Variants in XPO1 observed in about 807,000 individuals in gnomAD.
XPO1 encodes the protein exportin-1.
A neutral mutation model predicts 133.3 loss-of-function variants in XPO1; 5 were observed. That is an observed-to-expected ratio of 0.04 (90% CI 0.02 to 0.08). The LOEUF is 0.08. Ranked by LOEUF, XPO1 falls within the 10% of genes least tolerant of loss-of-function variation. XPO1 has a pLI of 1.00. For missense variants in XPO1, 506 were observed against 1,267.5 expected (o/e 0.40, Z 9.12); for synonymous variants, 419 against 408.2 (o/e 1.03, Z -0.32).
At chr2:61,489,003 G>A (rs753523887) in intron 17 of XPO1, among the ~76,000 whole-genome samples, 3 of 152,158 alleles carry the variant, frequency 2.0e-5, no homozygotes, top group Non-Finnish European at 4.4e-5. Context: ...TCGGGAGGTT[G>A]AGGCAGGAGA....
intron 21 of XPO1, 179 bp from the exon 22 acceptor site, chr2:61,483,270 G>A: frequency 5.2e-6 from 3 of 571,870 alleles, no homozygotes; most frequent in Admixed American, 3.7e-5. Flanking sequence ...TATATCCAAT[G>A]CTGGCTTACT....
chr2:61,488,878 G>T lies in XPO1; in HGVS notation c.2023-107C>A. ...GCACTCTGAGAGGCCGAGGCGGGCG[G>T]ATGATGAGTTCAGGAGATCGGGACC... is the stretch of plus-strand genomic sequence containing the variant. On this transcript the variant is annotated intron_variant, in intron 17 of 24. Transcript: ENST00000401558. 2 of 1,182,906 alleles carry T rather than the reference G, an allele frequency of 1.7e-6. 1 individual carries two copies. The highest frequency in any genetic ancestry group is 2.9e-5 in the South Asian group (2 of 69,298). The allele number at this position is 1,182,906 out of a possible 1,614,324, so 73.3% of individuals were successfully genotyped here. A position where few individuals can be genotyped will look rare whatever the true frequency, so the allele number is the denominator to read the frequency against.
intron 7 of XPO1, 72 bp downstream of exon 7, chr2:61,499,641 C>CA (rs1396901156): frequency 7.2e-6 from 10 of 1,389,018 alleles, no homozygotes; most frequent in Middle Eastern, 2.6e-4. Context: ...AAAATATCTA[C>CA]AATTTACATC....
rs758065339 is a variant in XPO1 at position 61,493,105 on chromosome 2, C to A, written c.1246-52G>T. On this transcript the variant is annotated intron_variant, in intron 12 of 24. Coordinates refer to ENST00000401558, the MANE Select transcript of XPO1 (RefSeq NM_003400.4). ...AAAAAAATCGTTAGATCACTGAAAT[C>A]ATTAGTGTAGAAGCTTAGTTAAAAA... 26 of 1,506,606 alleles carry A rather than the reference C, an allele frequency of 1.7e-5. No homozygotes were observed. The highest frequency in any genetic ancestry group is 2.3e-5 in the Non-Finnish European group (26 of 1,136,290). 93.3% of individuals were successfully genotyped at this position (1,506,606 alleles called of 1,614,324 possible). A position where few individuals can be genotyped will look rare whatever the true frequency, so the allele number is the denominator to read the frequency against.
chr2:61,493,135 C>T (rs1028113339), intron 12 of XPO1, 82 bp from the exon 13 acceptor site: 1 of 1,410,878 alleles, frequency 7.1e-7, no homozygotes, highest in African/African-American at 1.4e-5. Context: ...TAAAAACAAA[C>T]AAAACCAAAA....
chr2:61,516,931 T>A (rs1573195201), intron 4 of XPO1, among the ~76,000 whole-genome samples: 1 of 152,264 alleles, frequency 6.6e-6, no homozygotes, highest in East Asian at 1.9e-4. Flanking sequence ...ATTTCAGAGT[T>A]TCACTCTTGT....
intron 9 of XPO1, among the ~76,000 whole-genome samples, chr2:61,497,398 GA>G (rs750911784): frequency 1.6e-4 from 24 of 152,098 alleles, no homozygotes; most frequent in Non-Finnish European, 2.2e-4. Flanking sequence ...TTTTAGTAGA[GA>G]CAGGGTTTTG....
intron 17 of XPO1, among the ~76,000 whole-genome samples, chr2:61,490,203 AT>A (rs70963437): frequency 3.4e-4 from 48 of 141,956 alleles, no homozygotes; most frequent in South Asian, 1.3e-3. Context: ...TTTTTCATTT[AT>A]TTTTTTTTTT....
chr2:61,521,963 A>G (rs1363320744), intron 4 of XPO1, among the ~76,000 whole-genome samples: 3 of 152,090 alleles, frequency 2.0e-5, no homozygotes, highest in Admixed American at 2.0e-4. Context: ...TCGCTATGTT[A>G]CCCAGGATGG....
chr2:61,502,434 C>G (rs1358985033), intron 4 of XPO1, 124 bp from the exon 5 acceptor site: 1 of 927,310 alleles, frequency 1.1e-6, no homozygotes, highest in African/African-American at 1.7e-5. Flanking sequence ...ATACTCTAAT[C>G]CTGTCACCAG....
intron 3 of XPO1, among the ~76,000 whole-genome samples, chr2:61,524,190 C>T (rs1698815381): frequency 6.6e-6 from 1 of 152,110 alleles, no homozygotes; most frequent in Non-Finnish European, 1.5e-5. Flanking sequence ...CAATGCACTG[C>T]TTACAATATA....
intron 2 of XPO1, 46 bp downstream of exon 2, chr2:61,533,726 C>T (rs1186687333): frequency 5.5e-6 from 8 of 1,443,988 alleles, no homozygotes; most frequent in Non-Finnish European, 7.3e-6. Flanking sequence ...CCCAACAACT[C>T]TGTTACACTG....
chr2:61,488,365 A>G, intron 18 of XPO1, 94 bp from the exon 19 acceptor site: 1 of 1,351,010 alleles, frequency 7.4e-7, no homozygotes, highest in Non-Finnish European at 1.0e-6. Flanking sequence ...TTTACCATTA[A>G]AAAGTTTAAA....
intron 2 of XPO1, among the ~76,000 whole-genome samples, chr2:61,531,210 C>T (rs1411232264): frequency 6.6e-6 from 1 of 152,164 alleles, no homozygotes; most frequent in Non-Finnish European, 1.5e-5. Flanking sequence ...ACTCCTTAAC[C>T]AGCTTTAAGC....
intron 2 of XPO1, among the ~76,000 whole-genome samples, chr2:61,533,072 G>C (rs1699228721): frequency 6.6e-6 from 1 of 152,080 alleles, no homozygotes; most frequent in South Asian, 2.1e-4. Flanking sequence ...CCAGCTACCA[G>C]GGAGGCTGAG....
At chr2:61,518,360 G>A (rs1698501751) in intron 4 of XPO1, among the ~76,000 whole-genome samples, 1 of 151,184 alleles carries the variant, frequency 6.6e-6, no homozygotes. Flanking sequence ...AGACCATCCT[G>A]GCTAACACGG....
At chr2:61,512,852 C>T (rs2104635906) in intron 4 of XPO1, among the ~76,000 whole-genome samples, 1 of 152,256 alleles carries the variant, frequency 6.6e-6, no homozygotes, top group Admixed American at 6.5e-5. Flanking sequence ...ACCAGCCTGG[C>T]CAACATGGGG....
intron 2 of XPO1, among the ~76,000 whole-genome samples, chr2:61,532,523 G>T (rs558192013): frequency 3.0e-4 from 46 of 152,072 alleles, no homozygotes; most frequent in African/African-American, 1.0e-3. Flanking sequence ...GAAATCTACT[G>T]TTCTGGCAAC....
At chr2:61,483,890 A>T (rs760727616) in intron 21 of XPO1, 47 bp downstream of exon 21, 6 of 1,582,814 alleles carry the variant, frequency 3.8e-6, no homozygotes, top group Non-Finnish European at 5.2e-6. Context: ...CTATATTTGT[A>T]TTTTTGGATT....
Sources: gnomAD v4.1 joint callset for allele counts (sites outside exome capture counted in the v4.1 genomes callset) on GRCh38, gnomAD v4.1.1 for gene constraint, MANE v1.5 for transcripts, NCBI Gene and HGNC (gene_info 2026-07-23, HGNC 2026-07-21) for gene names.